TRAK1: variants seen among roughly 807,000 people sequenced by gnomAD.
The protein encoded by TRAK1 is trafficking kinesin protein 1.
TRAK1 carries 33 observed loss-of-function variants against 92.1 expected under a neutral mutation model. The observed-to-expected ratio is 0.36, with a 90% CI of 0.27 to 0.48. The LOEUF (loss-of-function observed/expected upper bound fraction) is 0.48. Ranked by LOEUF, TRAK1 falls within the 20% of genes least tolerant of loss-of-function variation. TRAK1 has a pLI of 0.99. For synonymous variants in TRAK1, 521 were observed against 517.3 expected (o/e 1.01, Z -0.10); for missense variants, 1,123 against 1,257.9 (o/e 0.89, Z 1.62).
chr3:42,166,113 A>G (rs1701833268), intron 2 of TRAK1, among the ~76,000 whole-genome samples: 1 of 151,962 alleles, frequency 6.6e-6, no homozygotes, highest in African/African-American at 2.4e-5. Context: ...TACCTTCTCA[A>G]CTAGGTCAGG....
rs575980293 is a variant in TRAK1 at position 42,018,756 on chromosome 3, A to G, written c.-519+4639A>G. Reference sequence around the variant, plus strand: ...AAAAGATGTCACCGTCTACTAATTTATGTTGATACAGATGAACTATTAGCA... The same window carrying G: ...AAAAGATGTCACCGTCTACTAATTTGTGTTGATACAGATGAACTATTAGCA... On this transcript the variant is annotated intron_variant, in intron 1 of 16. Coordinates refer to the TRAK1 transcript ENST00000487159. 3.3e-5 allele frequency among the ~76,000 whole-genome samples: 5 copies of G among 152,332 alleles called. No individual in the cohort carries two copies. In the East Asian group the frequency reaches 5.8e-4, roughly 18 times the overall value.
chr3:42,191,093 A>G (rs1183709156), intron 6 of TRAK1, among the ~76,000 whole-genome samples: 3 of 152,234 alleles, frequency 2.0e-5, no homozygotes, highest in South Asian at 2.1e-4. Context: ...TTTAACTCCA[A>G]CTTGGGACCT....
intron 1 of TRAK1, among the ~76,000 whole-genome samples, chr3:42,078,769 A>AG (rs1553709702): frequency 9.0e-5 from 13 of 144,582 alleles, no homozygotes; most frequent in African/African-American, 2.3e-4. Context: ...AAAAAAAAAA[A>AG]AAAGAAAGAA....
intron 2 of TRAK1, among the ~76,000 whole-genome samples, chr3:42,148,524 A>G (rs543326286): frequency 2.7e-4 from 41 of 152,204 alleles, no homozygotes; most frequent in Admixed American, 1.6e-3. Context: ...GGAAAGTTTT[A>G]AAACCTCATT....
intron 14 of TRAK1, among the ~76,000 whole-genome samples, chr3:42,215,543 T>C (rs1709590488): frequency 6.6e-6 from 1 of 151,870 alleles, no homozygotes. Flanking sequence ...GAGGAGTTTA[T>C]AGAACTTGCA....
At chr3:42,064,353 A>C (rs1411333342) in intron 1 of TRAK1, among the ~76,000 whole-genome samples, 3 of 135,190 alleles carry the variant, frequency 2.2e-5, no homozygotes, top group Non-Finnish European at 4.8e-5. Flanking sequence ...TGAATAAATA[A>C]ATAGAGGGAT....
At chr3:42,077,077 C>T (rs1704195273) in intron 1 of TRAK1, among the ~76,000 whole-genome samples, 1 of 152,088 alleles carries the variant, frequency 6.6e-6, no homozygotes, top group Admixed American at 6.5e-5. Context: ...ATCCTTCTAG[C>T]TTTGTTCTTT....
At chr3:42,136,006 A>G (rs1440361677) in intron 2 of TRAK1, among the ~76,000 whole-genome samples, 3 of 152,230 alleles carry the variant, frequency 2.0e-5, no homozygotes, top group Non-Finnish European at 4.4e-5. Flanking sequence ...GACCCTGTCC[A>G]TTCTCATAGG....
intron 1 of TRAK1, among the ~76,000 whole-genome samples, chr3:42,055,190 G>T (rs1428454434): frequency 6.6e-6 from 1 of 151,984 alleles, no homozygotes; most frequent in East Asian, 1.9e-4. Flanking sequence ...AAAGTGCTGG[G>T]ATTACAAGAG....
chr3:42,206,955 C>T (rs1708400922), intron 13 of TRAK1, among the ~76,000 whole-genome samples: 1 of 152,150 alleles, frequency 6.6e-6, no homozygotes, highest in African/African-American at 2.4e-5. Context: ...AGACTCTTGT[C>T]AGGGCCCAGA....
chr3:42,147,943 C>T (rs938979942), intron 2 of TRAK1, among the ~76,000 whole-genome samples: 2 of 152,002 alleles, frequency 1.3e-5, no homozygotes, highest in African/African-American at 4.8e-5. Flanking sequence ...CTAAGATTCT[C>T]TATATAAGAT....
chr3:42,192,392 C>T (rs1290904691), intron 7 of TRAK1, among the ~76,000 whole-genome samples: 1 of 152,176 alleles, frequency 6.6e-6, no homozygotes, highest in African/African-American at 2.4e-5. Flanking sequence ...GGTCAAAATA[C>T]TAAGTATATT....
chr3:42,025,957 A>G (rs1260895747), intron 1 of TRAK1, among the ~76,000 whole-genome samples: 1 of 152,090 alleles, frequency 6.6e-6, no homozygotes, highest in Non-Finnish European at 1.5e-5. Flanking sequence ...TTTTCCCATG[A>G]ACTTTTTTCT....
intron 1 of TRAK1, 76 bp from the exon 2 acceptor site, chr3:42,125,344 G>A (rs1023769256): frequency 3.6e-6 from 5 of 1,376,026 alleles, no homozygotes; most frequent in Non-Finnish European, 5.0e-6. Context: ...ACCTGCCGCA[G>A]GCTACAAGTT....
chr3:42,074,918 A>G (rs1042392502), intron 1 of TRAK1, among the ~76,000 whole-genome samples: 1 of 152,108 alleles, frequency 6.6e-6, no homozygotes, highest in Admixed American at 6.6e-5. Context: ...ATGTGTATTC[A>G]GTGTTTAACT....
At position 42,193,063 on chromosome 3, in the gene TRAK1, T is replaced by G. The variant is rs1706049367; in HGVS notation, c.770-12T>G. On this transcript the variant is annotated splice_polypyrimidine_tract_variant and intron_variant, in intron 7 of 15. Coordinates refer to ENST00000327628, the MANE Select transcript of TRAK1 (RefSeq NM_001042646.3). ...CTGACTTCCTCTCCTGATTGTTGCTTCTTTGTCAAAGGGGATGCCAATGTC... is the reference window on the plus strand; with the variant it reads ...CTGACTTCCTCTCCTGATTGTTGCTGCTTTGTCAAAGGGGATGCCAATGTC... 2 of 1,613,320 alleles carry G rather than the reference T, an allele frequency of 1.2e-6. No individual in the cohort carries two copies.
In TRAK1 at chr3:42,209,868, G is replaced by C. The variant is rs1708785555; in HGVS notation, c.1846G>C (p.Asp616His). 6.2e-7 allele frequency: 1 copy of C among 1,614,218 alleles called. No homozygotes were observed. The highest frequency in any genetic ancestry group is 1.1e-5 in the South Asian group (1 of 91,080). Residue 616 changes from aspartate (D) to histidine (H), a missense_variant, in exon 14 of 16, where the codon GAT becomes CAT. This residue lies in a region of TRAK1 where 36 missense variants were observed against 71.3 expected (regional missense o/e 0.50). Coordinates refer to ENST00000327628, the MANE Select transcript of TRAK1 (RefSeq NM_001042646.3). ...GVVTKGFRTL[D>H]VDLDEVYCLN... ...GGTCACCAAGGGCTTCCGGACGCTG[G>C]ATGTTGACCTGGACGAAGTGTACTG... is the stretch of plus-strand genomic sequence containing the variant.
chr3:42,182,948 A>G (rs769861529), intron 3 of TRAK1, among the ~76,000 whole-genome samples: 2 of 152,180 alleles, frequency 1.3e-5, no homozygotes, highest in Non-Finnish European at 2.9e-5. Context: ...ACCTTCATTT[A>G]ACAGTTGAGG....
Position 42,191,590 on chromosome 3 carries a change from T to C in TRAK1, c.723T>C (p.Tyr241=), listed in dbSNP as rs1376185775. The change falls in exon 7 of 16, where the codon TAT becomes TAC. Residue 241 remains tyrosine, a synonymous_variant. Transcript: ENST00000327628. The part of the protein sequence containing the change: ...ASQLKTETIT[Y]EEKEQQLVND... ...AGCTGAAGACAGAGACCATCACCTA[T>C]GAGGAGAAGGAGCAGCAGCTGGTCA... 2.5e-6 allele frequency: 4 copies of C among 1,603,516 alleles called. No individual in the cohort carries two copies. The highest frequency in any genetic ancestry group is 1.7e-5 in the Admixed American group (1 of 58,740).
Sources: gnomAD v4.1 joint callset for allele counts (sites outside exome capture counted in the v4.1 genomes callset) on GRCh38, gnomAD v4.1.1 for gene constraint, gnomAD v4.1.1 regional missense constraint, MANE v1.5 for transcripts, NCBI Gene and HGNC (gene_info 2026-07-23, HGNC 2026-07-21) for gene names.